CDC40: variants seen among roughly 807,000 people sequenced by gnomAD.
CDC40 encodes pre-mRNA-processing factor 17.
CDC40 carries 27 observed loss-of-function variants against 80.6 expected under a neutral mutation model. The observed-to-expected ratio is 0.33, with a 90% CI of 0.25 to 0.46. CDC40 has a LOEUF of 0.46. CDC40 is among the 20% of genes least tolerant of loss of function. The pLI, the probability that CDC40 is intolerant of heterozygous loss-of-function variation, is 1.00. For synonymous variants in CDC40, 221 were observed against 232.6 expected (o/e 0.95, Z 0.45); for missense variants, 486 against 694.1 (o/e 0.70, Z 3.37).
intron 12 of CDC40, among the ~76,000 whole-genome samples, chr6:110,220,484 G>C (rs1259867862): frequency 3.5e-5 from 4 of 113,946 alleles, no homozygotes; most frequent in Non-Finnish European, 5.1e-5. Context: ...GATTCTTGCT[G>C]TGCCACCCAG....
At chr6:110,185,274 G>T (rs1219382605) in intron 1 of CDC40, among the ~76,000 whole-genome samples, 2 of 123,290 alleles carry the variant, frequency 1.6e-5, no homozygotes, top group Admixed American at 2.1e-4. Flanking sequence ...ACGGAGTCTC[G>T]CTCTGTCGCC....
chr6:110,219,755 A>T lies in CDC40; in HGVS notation c.1226A>T (p.Glu409Val). The T allele has an allele frequency of 1.2e-6, 2 of 1,613,928 alleles. No individual in the cohort carries two copies. The highest frequency in any genetic ancestry group is 1.7e-6 in the Non-Finnish European group (2 of 1,179,938). Residue 409 changes from glutamate to valine, a missense_variant, in exon 12 of 15, where the codon GAA becomes GTA. Glu to Val is a moderately radical substitution (Grantham distance 121). Around this residue, in one of 3 missense-constraint regions of CDC40, gnomAD observed 381 missense variants for 492.1 expected, o/e 0.77. Coordinates refer to ENST00000307731, the MANE Select transcript of CDC40 (RefSeq NM_015891.3). ...ACACAGTGGGACATTCGAAGTGGAG[A>T]AATTGTGCAGGAATATGATCGGCAT... Reference protein sequence around the residue: ...KIVQWDIRSGEIVQEYDRHLG... With the variant: ...KIVQWDIRSGVIVQEYDRHLG...
intron 12 of CDC40, among the ~76,000 whole-genome samples, chr6:110,225,321 ACTC>A (rs1412679916): frequency 2.6e-5 from 4 of 152,092 alleles, no homozygotes; most frequent in East Asian, 1.9e-4. Flanking sequence ...CAAGACGAAA[ACTC>A]CTTTCAGAAA....
intron 3 of CDC40, among the ~76,000 whole-genome samples, chr6:110,204,963 G>T (rs1332985867): frequency 3.3e-5 from 5 of 151,778 alleles, no homozygotes; most frequent in Non-Finnish European, 7.4e-5. Flanking sequence ...CACGATGCCC[G>T]GCCCTATTTC....
chr6:110,212,869 G>A (rs1056386910), intron 7 of CDC40, among the ~76,000 whole-genome samples: 1 of 151,972 alleles, frequency 6.6e-6, no homozygotes, highest in Admixed American at 6.6e-5. Context: ...CATTGGGTGA[G>A]GAACTCAATA....
At chr6:110,207,716 G>T in intron 4 of CDC40, 127 bp downstream of exon 4, 1 of 602,248 alleles carries the variant, frequency 1.7e-6, no homozygotes, top group Non-Finnish European at 3.0e-6. Context: ...TGAAACAATG[G>T]AGCGATACAG....
chr6:110,212,965 AT>A lies in CDC40; in HGVS notation c.868-116del, dbSNP rs959910094. 13 of 741,850 alleles carry A rather than the reference AT, an allele frequency of 1.8e-5. No individual in the cohort carries two copies. In the African/African-American group the frequency reaches 2.2e-4, roughly 13 times the overall value. 46.0% of individuals were successfully genotyped at this position (741,850 alleles called of 1,614,324 possible). ...CTAATGAAAGTTATTCTGGGGTGAG[AT>A]TTTTGGAATGAAGAAAAATAGCAAA... On this transcript the variant is annotated intron_variant, in intron 7 of 14. Coordinates refer to ENST00000307731, the MANE Select transcript of CDC40 (RefSeq NM_015891.3).
chr6:110,213,285 T>C, intron 8 of CDC40, 125 bp downstream of exon 8: 1 of 645,250 alleles, frequency 1.5e-6, no homozygotes, highest in Admixed American at 2.5e-5. Context: ...TCTTAGATCC[T>C]GTAAATGCAG....
chr6:110,197,417 G>A (rs1400146674), intron 2 of CDC40, among the ~76,000 whole-genome samples: 1 of 152,120 alleles, frequency 6.6e-6, no homozygotes. Flanking sequence ...ATTACTTCAT[G>A]TACTGATCAT....
intron 1 of CDC40, among the ~76,000 whole-genome samples, chr6:110,182,261 CAATG>C (rs1317918923): frequency 2.6e-5 from 4 of 152,236 alleles, no homozygotes; most frequent in Non-Finnish European, 4.4e-5. Context: ...GTGCCACACA[CAATG>C]AACACTAATT....
chr6:110,190,253 C>A (rs1237327410), intron 1 of CDC40, among the ~76,000 whole-genome samples: 2 of 152,152 alleles, frequency 1.3e-5, no homozygotes, highest in Non-Finnish European at 2.9e-5. Context: ...ATAATAAAGG[C>A]ATTGCCTAAG....
chr6:110,186,360 G>A (rs1467055332), intron 1 of CDC40, among the ~76,000 whole-genome samples: 1 of 152,030 alleles, frequency 6.6e-6, no homozygotes, highest in Non-Finnish European at 1.5e-5. Flanking sequence ...GTGTTGGTGT[G>A]TGCTTCCCAG....
chr6:110,216,351 G>A (rs1777699657), intron 9 of CDC40, among the ~76,000 whole-genome samples: 2 of 152,130 alleles, frequency 1.3e-5, no homozygotes, highest in Admixed American at 6.5e-5. Flanking sequence ...ATTAAAGTGG[G>A]AGTCTGTTCA....
At chr6:110,206,751 A>G (rs75058672) in intron 3 of CDC40, among the ~76,000 whole-genome samples, 4,986 of 152,284 alleles carry the variant, frequency 0.033, 146 homozygotes, top group South Asian at 0.12. Flanking sequence ...TTTTTATTTA[A>G]TAATTTACAT....
chr6:110,195,567 A>G (rs1335868777), intron 2 of CDC40, among the ~76,000 whole-genome samples: 1 of 152,216 alleles, frequency 6.6e-6, no homozygotes, highest in East Asian at 1.9e-4. Context: ...GATAATTTTT[A>G]TCTTATTGAG....
Position 110,217,766 on chromosome 6 carries a change from C to G in CDC40, c.1053C>G (p.Ala351=). 6.2e-7 allele frequency: 1 copy of G among 1,603,180 alleles called. No individual in the cohort carries two copies. The highest frequency in any genetic ancestry group is 8.5e-7 in the Non-Finnish European group (1 of 1,170,142). The stretch of plus-strand genomic sequence containing the variant: ...CAGGAACACAGTTCCTCAGTGCAGC[C>G]TATGACAGGTATCTTAAGCTCTGGG... ...NTAGTQFLSA[A]YDRYLKLWDT... The change falls in exon 10 of 15, where the codon GCC becomes GCG. Residue 351 remains alanine, a synonymous_variant. Coordinates refer to ENST00000307731, the MANE Select transcript of CDC40 (RefSeq NM_015891.3).
intron 1 of CDC40, among the ~76,000 whole-genome samples, chr6:110,191,135 A>G (rs1267569315): frequency 6.6e-6 from 1 of 152,210 alleles, no homozygotes; most frequent in Non-Finnish European, 1.5e-5. Context: ...GGGCCATGGT[A>G]AAGTCTTTCT....
intron 1 of CDC40, 95 bp from the exon 2 acceptor site, chr6:110,193,085 AAT>A (rs1777372405): frequency 1.4e-6 from 1 of 710,376 alleles, no homozygotes; most frequent in Admixed American, 2.1e-5. Flanking sequence ...ATAACCATAA[AAT>A]AGATGTTAAA....
chr6:110,220,877 G>A lies in CDC40; in HGVS notation c.1340+1008G>A, dbSNP rs191875514. Among the ~76,000 whole-genome samples the A allele has an allele frequency of 3.1e-3, 467 of 152,208 alleles. 1 individual carries two copies. The highest frequency in any genetic ancestry group is 4.6e-3 in the Non-Finnish European group (313 of 68,028). ...GAACAGTATGGTAGAAACTGTCCCC[G>A]TGATTCAGTTATCTCCCACAGGGTC... On this transcript the variant is annotated intron_variant, in intron 12 of 14. Transcript: ENST00000307731.
Sources: allele counts gnomAD v4.1 joint callset (sites outside exome capture counted in the v4.1 genomes callset), GRCh38; gene constraint gnomAD v4.1.1; regional missense constraint gnomAD v4.1.1; transcripts MANE v1.5; gene names NCBI Gene and HGNC (gene_info 2026-07-23, HGNC 2026-07-21).